The following SVEP1 variants were observed in gnomAD, a reference collection of about 807,000 sequenced individuals.
SVEP1 encodes sushi, von Willebrand factor type A, EGF and pentraxin domain-containing protein 1.
SVEP1 carries 164 observed loss-of-function variants against 367.3 expected under a neutral mutation model. The ratio of observed to expected loss-of-function variants is 0.45; its 90% confidence interval spans 0.39 to 0.51. The LOEUF (loss-of-function observed/expected upper bound fraction) is 0.51, where lower values mean the gene tolerates loss of function less well. Ranked by LOEUF, SVEP1 falls within the 20% of genes least tolerant of loss-of-function variation. The pLI, the probability that SVEP1 is intolerant of heterozygous loss-of-function variation, is 0.00. For synonymous variants in SVEP1, 1,666 were observed against 1,611.6 expected, an observed-to-expected ratio of 1.03 and a Z score of -0.81; for missense variants, 4,117 against 4,425.3, an observed-to-expected ratio of 0.93 and a Z score of 1.98.
chr9:110,436,443 A>C lies in SVEP1; in HGVS notation c.4701T>G (p.Ala1567=), dbSNP rs1402052034. Residue 1567 remains alanine, a synonymous_variant, in exon 28 of 48, where the codon GCT becomes GCG. Coordinates refer to ENST00000374469, the MANE Select transcript of SVEP1 (RefSeq NM_153366.4). ...GGCTTATGGAGCCCACAAAAGACTC[A>C]GCTGGGCTGAATCCCTCTCCTTTTT... ...QDKKGEGFSP[A]ESFVGSISQL... is the part of the protein sequence containing the mutation. The C allele has an allele frequency of 2.5e-6, 4 of 1,613,890 alleles. No individual in the cohort carries two copies. The Admixed American group carries it at 6.7e-5, about 27-fold the overall frequency.
intron 5 of SVEP1, among the ~76,000 whole-genome samples, chr9:110,507,572 G>A (rs532740435): frequency 4.9e-4 from 74 of 152,298 alleles, no homozygotes; most frequent in African/African-American, 1.7e-3. Flanking sequence ...TCCCTGGAAT[G>A]GCTTGGACCA....
chr9:110,387,014 T>A (rs2118964062), intron 42 of SVEP1, among the ~76,000 whole-genome samples: 1 of 152,220 alleles, frequency 6.6e-6, no homozygotes, highest in Admixed American at 6.5e-5. Flanking sequence ...CCAGTAGAAT[T>A]CATGATACAT....
Position 110,546,151 on chromosome 9 carries a change from C to A in SVEP1, c.928G>T (p.Gly310Trp). Reference sequence around the variant, plus strand: ...TACTGCAGACCTTTCCCGTAATACCCCTTTTCACAGATGCACTCAAAATGG... The same window carrying A: ...TACTGCAGACCTTTCCCGTAATACCACTTTTCACAGATGCACTCAAAATGG... ...TGHFECICEK[G>W]YYGKGLQYEC... Residue 310 changes from glycine (G) to tryptophan (W), a missense_variant, in exon 3 of 48, where the codon GGG becomes TGG. Gly to Trp is a radical substitution (Grantham distance 184). This residue lies in a region of SVEP1 where 2,174 missense variants were observed against 2,494.3 expected (regional missense o/e 0.87). Transcript: ENST00000374469. The A allele has an allele frequency of 6.4e-7, 1 of 1,553,488 alleles. No homozygotes were observed. The highest frequency in any genetic ancestry group is 8.7e-7 in the Non-Finnish European group (1 of 1,147,780).
chr9:110,404,335 C>A lies in SVEP1; in HGVS notation c.9658G>T (p.Val3220Leu), dbSNP rs896988278. 1 of 1,613,844 alleles carries A rather than the reference C, an allele frequency of 6.2e-7. No homozygotes were observed. Among genetic ancestry groups the A allele is most frequent in the Admixed American group, 1.7e-5 (1 of 60,006 alleles). ...TTAAGACAGAATCTTACCTGACATA[C>A]TGATATGTTAACTCCCTCAAAGGTA... ...GYTFEGVNIS[V>L]CQLDGTWEPP... Residue 3220 changes from valine to leucine, a missense_variant, in exon 39 of 48, where the codon GTA becomes TTA. Coordinates refer to ENST00000374469, the MANE Select transcript of SVEP1 (RefSeq NM_153366.4).
At chr9:110,561,720 T>G (rs1269901811) in intron 1 of SVEP1, among the ~76,000 whole-genome samples, 7 of 152,084 alleles carry the variant, frequency 4.6e-5, no homozygotes, top group Non-Finnish European at 1.0e-4. Context: ...ACAAACAAAA[T>G]AAGTAAACAA....
chr9:110,573,043 T>C (rs967137963), intron 1 of SVEP1, among the ~76,000 whole-genome samples: 2 of 152,002 alleles, frequency 1.3e-5, no homozygotes, highest in Non-Finnish European at 2.9e-5. Flanking sequence ...TTTCCAGACG[T>C]AAATTTGGAA....
At chr9:110,514,778 A>G (rs1370880668) in intron 3 of SVEP1, among the ~76,000 whole-genome samples, 2 of 152,188 alleles carry the variant, frequency 1.3e-5, no homozygotes, top group East Asian at 1.9e-4. Flanking sequence ...AAAAACTTTG[A>G]TAAGTATGAT....
chr9:110,392,525 C>G (rs954451033), intron 40 of SVEP1, among the ~76,000 whole-genome samples: 2 of 152,084 alleles, frequency 1.3e-5, no homozygotes, highest in Non-Finnish European at 2.9e-5. Context: ...CTTCAGCAGC[C>G]ATGGATGATC....
chr9:110,568,083 C>G (rs1830512293), intron 1 of SVEP1, among the ~76,000 whole-genome samples: 1 of 152,172 alleles, frequency 6.6e-6, no homozygotes, highest in African/African-American at 2.4e-5. Context: ...GTGCTGTTGG[C>G]TAGCTTCCTT....
intron 6 of SVEP1, among the ~76,000 whole-genome samples, chr9:110,501,217 T>A (rs185065804): frequency 3.3e-5 from 5 of 149,646 alleles, no homozygotes; most frequent in Non-Finnish European, 1.5e-5. Flanking sequence ...ACTTAACATT[T>A]TGAAAACATT....
chr9:110,488,330 G>A (rs1343858938), intron 9 of SVEP1, among the ~76,000 whole-genome samples: 1 of 152,142 alleles, frequency 6.6e-6, no homozygotes, highest in African/African-American at 2.4e-5. Context: ...CTGGAAATAG[G>A]AATATGGGAG....
chr9:110,508,159 TTTATG>T (rs1441479972), intron 5 of SVEP1, among the ~76,000 whole-genome samples: 1 of 152,194 alleles, frequency 6.6e-6, no homozygotes, highest in African/African-American at 2.4e-5. Context: ...TTGACTTACA[TTTATG>T]TTATCACAAT....
intron 27 of SVEP1, chr9:110,442,889 C>T (rs1424230486): frequency 6.6e-6 from 1 of 152,152 alleles, no homozygotes; most frequent in Non-Finnish European, 1.5e-5. Context: ...TTTCATACAA[C>T]TTACTTCTAG....
At chr9:110,531,448 G>A (rs867246740) in intron 3 of SVEP1, among the ~76,000 whole-genome samples, 5 of 152,082 alleles carry the variant, frequency 3.3e-5, no homozygotes, top group Admixed American at 6.6e-5. Flanking sequence ...TGCTGTTCTC[G>A]TGACAGTGAG....
At chr9:110,508,969 T>C (rs557804901) in intron 5 of SVEP1, among the ~76,000 whole-genome samples, 107 of 152,230 alleles carry the variant, frequency 7.0e-4, no homozygotes, top group African/African-American at 2.6e-3. Context: ...TCTGCCTCAA[T>C]CTTACACATA....
At chr9:110,500,222 T>A (rs745821564) in intron 6 of SVEP1, among the ~76,000 whole-genome samples, 1 of 152,138 alleles carries the variant, frequency 6.6e-6, no homozygotes, top group African/African-American at 2.4e-5. Flanking sequence ...TTCTGCACGG[T>A]GTGAACTGCA....
chr9:110,579,067 G>A lies in SVEP1; in HGVS notation c.477C>T (p.Ala159=), dbSNP rs554226746. The A allele has an allele frequency of 6.4e-6, 10 of 1,550,774 alleles. No individual in the cohort carries two copies. Among genetic ancestry groups the A allele is most frequent in the African/African-American group, 1.4e-5 (1 of 73,134 alleles). Reference sequence around the variant, plus strand: ...AGGTGCCGCCACCTCGGTAGGAGATGGCAGGGATCTCTTGGAGGAGCAGCG... The same window carrying A: ...AGGTGCCGCCACCTCGGTAGGAGATAGCAGGGATCTCTTGGAGGAGCAGCG... ...KCALLLQEIP[A]ISYRGGGTYT... Residue 159 remains alanine (A), a synonymous_variant, in exon 1 of 48, where the codon GCC becomes GCT. Coordinates refer to ENST00000374469, the MANE Select transcript of SVEP1 (RefSeq NM_153366.4). The surrounding 1 kb of genome is among the most constrained non-coding windows in gnomAD (Gnocchi z 5.3).
intron 40 of SVEP1, among the ~76,000 whole-genome samples, chr9:110,396,649 A>C (rs111844818): frequency 0.15 from 20,836 of 143,386 alleles, 1,951 homozygotes; most frequent in East Asian, 0.3. Context: ...ACAATAAAAA[A>C]TGATAGAGGG....
At chr9:110,430,760 A>G (rs1828338735) in intron 32 of SVEP1, among the ~76,000 whole-genome samples, 1 of 152,202 alleles carries the variant, frequency 6.6e-6, no homozygotes, top group Admixed American at 6.5e-5. Flanking sequence ...GAAGGGCATT[A>G]GCCTCTTTCA....
Sources: gnomAD v4.1 joint callset for allele counts (sites outside exome capture counted in the v4.1 genomes callset) on GRCh38, gnomAD v4.1.1 for gene constraint, gnomAD v4.1.1 regional missense constraint, Gnocchi (gnomAD v3.1) non-coding constraint, MANE v1.5 for transcripts, NCBI Gene and HGNC (gene_info 2026-07-23, HGNC 2026-07-21) for gene names.